Variants in TGFBR1 observed in about 807,000 individuals in gnomAD.
TGFBR1 encodes TGF-beta receptor type-1.
TGFBR1 carries 20 observed loss-of-function variants against 55.1 expected under a neutral mutation model. That is an observed-to-expected ratio of 0.36 (90% CI 0.26 to 0.53). The LOEUF is 0.53. Among genes scored for constraint, TGFBR1 ranks in the 20% least tolerant of loss-of-function variants. The pLI is 0.91. For synonymous variants in TGFBR1, 220 were observed against 214.8 expected (o/e 1.02, Z -0.21); for missense variants, 385 against 617.6 (o/e 0.62, Z 3.99).
intron 1 of TGFBR1, among the ~76,000 whole-genome samples, chr9:99,123,835 G>A (rs1227720644): frequency 6.6e-6 from 1 of 152,074 alleles, no homozygotes. Context: ...AACCACATTG[G>A]CACAATGCCA....
intron 1 of TGFBR1, among the ~76,000 whole-genome samples, chr9:99,116,587 T>C (rs1169776129): frequency 6.6e-6 from 1 of 152,208 alleles, no homozygotes. Context: ...TAGTCTTCGG[T>C]GTTGTATCAT....
intron 5 of TGFBR1, 113 bp from the exon 6 acceptor site, chr9:99,144,619 G>A: frequency 8.3e-7 from 1 of 1,201,892 alleles, no homozygotes; most frequent in Non-Finnish European, 1.2e-6. Flanking sequence ...TAGGTCATGT[G>A]GGCTGAAATG....
At chr9:99,113,336 A>G (rs193073744) in intron 1 of TGFBR1, among the ~76,000 whole-genome samples, 5 of 152,288 alleles carry the variant, frequency 3.3e-5, no homozygotes, top group East Asian at 3.9e-4. Context: ...CCTGATGGCT[A>G]TCCTTTTAAA....
chr9:99,120,476 C>A (rs1022611425), intron 1 of TGFBR1, among the ~76,000 whole-genome samples: 3 of 152,180 alleles, frequency 2.0e-5, no homozygotes, highest in African/African-American at 7.2e-5. Flanking sequence ...TGAAGTGGAA[C>A]AAAAACAAGG....
intron 1 of TGFBR1, 22 bp from the exon 2 acceptor site, chr9:99,128,833 A>G (rs751494981): frequency 1.2e-6 from 2 of 1,613,204 alleles, no homozygotes; most frequent in South Asian, 1.1e-5. Flanking sequence ...GATTTTTTCT[A>G]AGAATCTTTC....
chr9:99,152,205 T>G lies in TGFBR1; in HGVS notation c.*2900T>G, dbSNP rs1770660148. ...ACCCACTTCCATTTCCTTCAGTCAT[T>G]AGAGGTGGAAGGGAGGGGTCTCCAA... is the stretch of plus-strand genomic sequence containing the variant. On this transcript the variant is annotated 3_prime_UTR_variant, in exon 9 of 9. Transcript: ENST00000374994. The G allele has an allele frequency of 4.8e-6, 1 of 208,152 alleles. No individual in the cohort carries two copies. Among genetic ancestry groups the G allele is most frequent in the Non-Finnish European group, 9.8e-6 (1 of 102,290 alleles). 12.9% of individuals were successfully genotyped at this position (208,152 alleles called of 1,614,324 possible). A position where few individuals can be genotyped will look rare whatever the true frequency, so the allele number is the denominator to read the frequency against.
intron 1 of TGFBR1, among the ~76,000 whole-genome samples, chr9:99,115,085 C>T (rs1163927336): frequency 2.6e-5 from 4 of 152,136 alleles, no homozygotes; most frequent in Non-Finnish European, 2.9e-5. Context: ...ACAAGCTTCT[C>T]TCTGTTCTTG....
chr9:99,109,455 G>T (rs1826502629), intron 1 of TGFBR1, among the ~76,000 whole-genome samples: 2 of 152,222 alleles, frequency 1.3e-5, no homozygotes, highest in Non-Finnish European at 1.5e-5. Context: ...CCTGTGAGGA[G>T]GGCCGCTCAT....
Position 99,132,611 on chromosome 9 carries a change from A to T in TGFBR1, c.446A>T (p.His149Leu). The T allele has an allele frequency of 6.2e-7, 1 of 1,614,188 alleles. No homozygotes were observed. The highest frequency in any genetic ancestry group is 2.2e-5 in the East Asian group (1 of 44,886). ...CTCATGTTGATGGTCTATATCTGCC[A>T]CAACCGCACTGTCATTCACCATCGA... ...ISLMLMVYIC[H>L]NRTVIHHRVP... The change falls in exon 3 of 9, where the codon CAC becomes CTC. Residue 149 changes from histidine (H) to leucine (L), a missense_variant. Physicochemically the swap from His to Leu is moderately conservative, Grantham distance 99. This residue lies in a region of TGFBR1 where 146 missense variants were observed against 167.7 expected (regional missense o/e 0.87). Coordinates refer to ENST00000374994, the MANE Select transcript of TGFBR1 (RefSeq NM_004612.4).
At chr9:99,121,899 T>C (rs1826908445) in intron 1 of TGFBR1, among the ~76,000 whole-genome samples, 1 of 152,086 alleles carries the variant, frequency 6.6e-6, no homozygotes, top group Admixed American at 6.5e-5. Flanking sequence ...CTGGATGTAG[T>C]TAAAATACAA....
intron 4 of TGFBR1, among the ~76,000 whole-genome samples, chr9:99,138,778 A>T (rs1402204707): frequency 6.6e-6 from 1 of 151,920 alleles, no homozygotes; most frequent in Non-Finnish European, 1.5e-5. Context: ...AGCTTCCGTT[A>T]ATACCTTTAT....
At chr9:99,122,226 G>A (rs1022066102) in intron 1 of TGFBR1, among the ~76,000 whole-genome samples, 3 of 149,112 alleles carry the variant, frequency 2.0e-5, no homozygotes, top group Non-Finnish European at 1.5e-5. Context: ...AAAAGACTAC[G>A]GGTAGGTTGT....
intron 1 of TGFBR1, among the ~76,000 whole-genome samples, chr9:99,106,396 T>C (rs1158876470): frequency 6.6e-6 from 1 of 152,236 alleles, no homozygotes; most frequent in African/African-American, 2.4e-5. Context: ...GCAGTGAAAG[T>C]ACATTTCTGT....
chr9:99,129,826 G>C (rs990464194), intron 2 of TGFBR1, among the ~76,000 whole-genome samples: 1 of 152,128 alleles, frequency 6.6e-6, no homozygotes, highest in Non-Finnish European at 1.5e-5. Context: ...TTGAACCTGG[G>C]AGGCAGAGGT....
chr9:99,146,598 G>A lies in TGFBR1; in HGVS notation c.1244G>A (p.Cys415Tyr). The A allele has an allele frequency of 6.2e-7, 1 of 1,613,954 alleles. No homozygotes were observed. Among genetic ancestry groups the A allele is most frequent in the Non-Finnish European group, 8.5e-7 (1 of 1,179,872 alleles). ...GTATTCTGGGAAATTGCTCGACGAT[G>A]TTCCATTGGTGGTAAATTGCTCTCC... ...GLVFWEIARR[C>Y]SIGGIHEDYQ... The change falls in exon 7 of 9, where the codon TGT becomes TAT. Residue 415 changes from cysteine (C) to tyrosine (Y), a missense_variant. Coordinates refer to ENST00000374994, the MANE Select transcript of TGFBR1 (RefSeq NM_004612.4).
intron 5 of TGFBR1, among the ~76,000 whole-genome samples, chr9:99,143,123 A>G (rs1007821230): frequency 6.6e-6 from 1 of 152,232 alleles, no homozygotes; most frequent in Admixed American, 6.5e-5. Flanking sequence ...CAAATTTTTT[A>G]GATGAGAACA....
intron 1 of TGFBR1, among the ~76,000 whole-genome samples, chr9:99,106,299 A>G (rs988722075): frequency 2.0e-5 from 3 of 152,242 alleles, no homozygotes; most frequent in Admixed American, 6.5e-5. Context: ...GTTGGTATCC[A>G]CAAAGGGATG....
chr9:99,110,861 A>C (rs923362943), intron 1 of TGFBR1, among the ~76,000 whole-genome samples: 1 of 152,116 alleles, frequency 6.6e-6, no homozygotes, highest in Admixed American at 6.5e-5. Context: ...TCAGTTAAGC[A>C]CTCCAGGGTA....
intron 1 of TGFBR1, among the ~76,000 whole-genome samples, chr9:99,114,868 T>A (rs1456468197): frequency 2.0e-5 from 3 of 152,132 alleles, no homozygotes; most frequent in Non-Finnish European, 4.4e-5. Flanking sequence ...CCAGAGTGTC[T>A]TTGCTTGGGT....
Sources: allele counts gnomAD v4.1 joint callset (sites outside exome capture counted in the v4.1 genomes callset), GRCh38; gene constraint gnomAD v4.1.1; regional missense constraint gnomAD v4.1.1; transcripts MANE v1.5; gene names NCBI Gene and HGNC (gene_info 2026-07-23, HGNC 2026-07-21).